Variants in GALNT7 observed in about 807,000 individuals in gnomAD.
GALNT7 encodes polypeptide N-acetylgalactosaminyltransferase 7, also known as N-acetylgalactosaminyltransferase 7.
GALNT7 carries 60 observed loss-of-function variants against 82.1 expected under a neutral mutation model. The observed-to-expected ratio is 0.73, with a 90% CI of 0.59 to 0.91. The LOEUF is 0.91. Among genes scored for constraint, GALNT7 ranks in the 40% least tolerant of loss-of-function variants. GALNT7 has a pLI of 0.00. For missense variants in GALNT7, 660 were observed against 804.2 expected (o/e 0.82, Z 2.17); for synonymous variants, 243 against 275.1 (o/e 0.88, Z 1.15).
At chr4:173,277,301 C>A (rs1460723190) in intron 2 of GALNT7, among the ~76,000 whole-genome samples, 1 of 152,106 alleles carries the variant, frequency 6.6e-6, no homozygotes, top group African/African-American at 2.4e-5. Flanking sequence ...GTGGGAGACT[C>A]GGAAGTACAA....
At chr4:173,199,330 A>G (rs1042417965) in intron 1 of GALNT7, among the ~76,000 whole-genome samples, 2 of 152,224 alleles carry the variant, frequency 1.3e-5, no homozygotes, top group South Asian at 4.2e-4. Flanking sequence ...TTACTTGATA[A>G]CCTTGGGCAA....
intron 1 of GALNT7, among the ~76,000 whole-genome samples, chr4:173,237,933 CAGAAG>C (rs1734290469): frequency 6.6e-6 from 1 of 152,066 alleles, no homozygotes; most frequent in East Asian, 1.9e-4. Flanking sequence ...TGTGAGTGGG[CAGAAG>C]AGGAGCAGAT....
intron 1 of GALNT7, among the ~76,000 whole-genome samples, chr4:173,239,181 A>T (rs1018430838): frequency 1.3e-5 from 2 of 152,188 alleles, no homozygotes; most frequent in African/African-American, 2.4e-5. Flanking sequence ...AGAAGAAACT[A>T]AAAAAAGGAT....
intron 2 of GALNT7, among the ~76,000 whole-genome samples, chr4:173,268,852 A>C (rs1414716080): frequency 3.3e-5 from 5 of 152,012 alleles, no homozygotes; most frequent in Admixed American, 6.6e-5. Context: ...TGTTTACTCT[A>C]TGAGCAGAAA....
intron 2 of GALNT7, among the ~76,000 whole-genome samples, chr4:173,275,636 T>C (rs972819020): frequency 2.0e-5 from 3 of 152,128 alleles, no homozygotes; most frequent in African/African-American, 7.2e-5. Context: ...CATGGTAAGG[T>C]GGAAAGTTTC....
intron 6 of GALNT7, 67 bp downstream of exon 6, chr4:173,298,364 A>G (rs1178439917): frequency 5.8e-6 from 6 of 1,034,860 alleles, no homozygotes; most frequent in Non-Finnish European, 8.4e-6. Context: ...ACCTCTTGCC[A>G]AGCTAAAGAT....
chr4:173,205,943 G>T (rs1733079349), intron 1 of GALNT7, among the ~76,000 whole-genome samples: 2 of 152,044 alleles, frequency 1.3e-5, no homozygotes, highest in South Asian at 4.2e-4. Context: ...TGCCAGGCTA[G>T]CCTAGAGCCT....
intron 2 of GALNT7, among the ~76,000 whole-genome samples, chr4:173,274,832 G>C (rs1561184903): frequency 6.6e-6 from 1 of 152,120 alleles, no homozygotes; most frequent in Non-Finnish European, 1.5e-5. Flanking sequence ...CTAGTTCTGG[G>C]AGTCAGCCGG....
intron 1 of GALNT7, among the ~76,000 whole-genome samples, chr4:173,176,849 A>C (rs1732062964): frequency 6.6e-6 from 1 of 152,198 alleles, no homozygotes; most frequent in East Asian, 1.9e-4. Flanking sequence ...AAAGACTTTG[A>C]ATGGTCAGAG....
intron 1 of GALNT7, among the ~76,000 whole-genome samples, chr4:173,225,561 G>C (rs1733799307): frequency 6.6e-6 from 1 of 152,136 alleles, no homozygotes; most frequent in Non-Finnish European, 1.5e-5. Flanking sequence ...GCATTGCCAG[G>C]CACTCAAAGT....
chr4:173,257,953 C>T (rs978022660), intron 2 of GALNT7, among the ~76,000 whole-genome samples: 2 of 152,186 alleles, frequency 1.3e-5, no homozygotes, highest in East Asian at 1.9e-4. Context: ...AGAGTCCACA[C>T]GTGGTAAGCT....
At chr4:173,247,853 C>T in intron 1 of GALNT7, 127 bp from the exon 2 acceptor site, 1 of 604,886 alleles carries the variant, frequency 1.7e-6, no homozygotes, top group South Asian at 2.1e-5. Flanking sequence ...GATTAATGGC[C>T]CGCTTGTATT....
chr4:173,273,184 C>T (rs1377060388), intron 2 of GALNT7, among the ~76,000 whole-genome samples: 3 of 152,076 alleles, frequency 2.0e-5, no homozygotes, highest in African/African-American at 4.8e-5. Flanking sequence ...TAGAGTACAT[C>T]GAGAAGGCAT....
At chr4:173,294,372 CTG>C (rs763548179) in intron 3 of GALNT7, among the ~76,000 whole-genome samples, 13 of 151,274 alleles carry the variant, frequency 8.6e-5, no homozygotes, top group Admixed American at 2.0e-4. Context: ...CTTATTAAAA[CTG>C]GGTACCAAAA....
At chr4:173,228,840 G>A (rs1260286190) in intron 1 of GALNT7, among the ~76,000 whole-genome samples, 1 of 152,092 alleles carries the variant, frequency 6.6e-6, no homozygotes, top group African/African-American at 2.4e-5. Context: ...TTAACTTCCA[G>A]GAACCCTACC....
Position 173,320,741 on chromosome 4 carries a change from A to C in GALNT7, c.1837-839A>C, listed in dbSNP as rs1363785544. Among the ~76,000 whole-genome samples, 1 of 152,110 alleles carries C rather than the reference A, an allele frequency of 6.6e-6. No homozygotes were observed. The highest frequency in any genetic ancestry group is 1.5e-5 in the Non-Finnish European group (1 of 68,014). ...CTGATATCCTTGAGCATTGTACCTC[A>C]TTATATGGAAGTACTTGATACGTAC... On this transcript the variant is annotated intron_variant, in intron 11 of 11. Transcript: ENST00000265000. The surrounding 1 kb of genome is among the most constrained non-coding windows in gnomAD (Gnocchi z 4.1).
At chr4:173,247,848 A>G (rs1042933417) in intron 1 of GALNT7, 132 bp from the exon 2 acceptor site, 2 of 600,510 alleles carry the variant, frequency 3.3e-6, no homozygotes, top group African/African-American at 1.9e-5. Flanking sequence ...GTCCTGATTA[A>G]TGGCCCGCTT....
At chr4:173,267,725 T>C (rs1735555414) in intron 2 of GALNT7, among the ~76,000 whole-genome samples, 2 of 152,204 alleles carry the variant, frequency 1.3e-5, no homozygotes, top group South Asian at 4.1e-4. Context: ...GAGCATGATA[T>C]TGAGCATTTA....
chr4:173,241,954 A>C (rs953035857), intron 1 of GALNT7, among the ~76,000 whole-genome samples: 3 of 152,192 alleles, frequency 2.0e-5, no homozygotes, highest in African/African-American at 7.2e-5. Context: ...AAAATAAAAG[A>C]TATAACTATT....
Sources: gnomAD v4.1 joint callset for allele counts (sites outside exome capture counted in the v4.1 genomes callset) on GRCh38, gnomAD v4.1.1 for gene constraint, Gnocchi (gnomAD v3.1) non-coding constraint, MANE v1.5 for transcripts, NCBI Gene and HGNC (gene_info 2026-07-23, HGNC 2026-07-21) for gene names.